Variants in NRXN1 observed in about 807,000 individuals in gnomAD.
The protein encoded by NRXN1 is neurexin 1.
Under a neutral mutation model 150.9 loss-of-function variants are expected in NRXN1, and 39 were observed. That is an observed-to-expected ratio of 0.26 (90% CI 0.20 to 0.34). NRXN1 has a LOEUF of 0.34. Among genes scored for constraint, NRXN1 ranks in the 10% least tolerant of loss-of-function variants. The probability of loss-of-function intolerance (pLI) is 1.00; values close to 1 mark genes in which losing one functional copy is unlikely to be tolerated. For synonymous variants in NRXN1, 924 were observed against 757.0 expected (o/e 1.22, Z -3.62); for missense variants, 1,815 against 1,949.9 (o/e 0.93, Z 1.30).
chr2:50,773,841 G>GA (rs1217861042), intron 5 of NRXN1, among the ~76,000 whole-genome samples: 1 of 152,070 alleles, frequency 6.6e-6, no homozygotes, highest in Non-Finnish European at 1.5e-5. Context: ...CACACAGCTG[G>GA]AATCACACTT....
rs70948715 is a variant in NRXN1, at chr2:50,504,140, T to TAAA, written c.2497+2352_2497+2354dup. 3.2e-4 allele frequency among the ~76,000 whole-genome samples: 36 copies of TAAA among 112,406 alleles called. 2 individuals are homozygous for TAAA. Among genetic ancestry groups the TAAA allele is most frequent in the East Asian group, 1.1e-3 (4 of 3,588 alleles). The allele number at this position is 112,406 out of a possible 152,430, so 73.7% of individuals were successfully genotyped here. Reference sequence around the variant, plus strand: ...AAGGAGGCTAAAGAAACATGACAACTAAAAAAAAAAAAAAAAAAAAATAGC... The same window carrying TAAA: ...AAGGAGGCTAAAGAAACATGACAACTAAAAAAAAAAAAAAAAAAAAAAAATAGC... On this transcript the variant is annotated intron_variant, in intron 13 of 22. Transcript: ENST00000401669.
At chr2:50,666,743 T>C (rs988652811) in intron 5 of NRXN1, among the ~76,000 whole-genome samples, 2 of 151,942 alleles carry the variant, frequency 1.3e-5, no homozygotes, top group Non-Finnish European at 1.5e-5. Flanking sequence ...TAAATACCAA[T>C]TGTAATTGTT....
Position 50,346,548 on chromosome 2 carries a change from G to C in NRXN1, c.3365-109578C>G. On this transcript the variant is annotated intron_variant, in intron 17 of 22. Transcript: ENST00000401669. The surrounding 1 kb of genome is among the most constrained non-coding windows in gnomAD (Gnocchi z 5.0). ...CTTTCTATTGTCTTCAAAGAGATAA[G>C]TGGCTCGCACCAAGCACACCCAAAT... is the stretch of plus-strand genomic sequence containing the variant. 1 of 844,226 alleles carries C rather than the reference G, an allele frequency of 1.2e-6. No individual in the cohort carries two copies. Among genetic ancestry groups the C allele is most frequent in the Non-Finnish European group, 1.9e-6 (1 of 519,762 alleles). 52.3% of individuals were successfully genotyped at this position (844,226 alleles called of 1,614,324 possible). A position where few individuals can be genotyped will look rare whatever the true frequency, so the allele number is the denominator to read the frequency against.
intron 5 of NRXN1, among the ~76,000 whole-genome samples, chr2:50,907,572 A>C (rs2104034089): frequency 6.6e-6 from 1 of 152,142 alleles, no homozygotes; most frequent in African/African-American, 2.4e-5. Context: ...TAGGGTAAGA[A>C]CCCTGGACCC....
chr2:50,585,714 A>G (rs1672992933), intron 8 of NRXN1, among the ~76,000 whole-genome samples: 1 of 152,216 alleles, frequency 6.6e-6, no homozygotes, highest in Non-Finnish European at 1.5e-5. Context: ...TGATTCCAGT[A>G]AACAATTTTC....
chr2:50,760,882 T>C (rs1416424304), intron 5 of NRXN1, among the ~76,000 whole-genome samples: 18 of 151,902 alleles, frequency 1.2e-4, no homozygotes, highest in Non-Finnish European at 1.5e-5. Flanking sequence ...CACCACAATC[T>C]ATTCACATTG....
At chr2:50,117,396 G>C (rs1475400119) in intron 18 of NRXN1, among the ~76,000 whole-genome samples, 2 of 152,170 alleles carry the variant, frequency 1.3e-5, no homozygotes, top group Non-Finnish European at 2.9e-5. Context: ...AGACCTGAGA[G>C]GGATTTTCCA....
intron 22 of NRXN1, among the ~76,000 whole-genome samples, chr2:49,943,048 G>C (rs1005590028): frequency 6.9e-6 from 1 of 145,492 alleles, no homozygotes; most frequent in Non-Finnish European, 1.5e-5. Flanking sequence ...ATTTTTCAGG[G>C]GTCTACAGCC....
chr2:50,530,349 CTA>C (rs1255682150), intron 11 of NRXN1, among the ~76,000 whole-genome samples: 1 of 152,130 alleles, frequency 6.6e-6, no homozygotes, highest in African/African-American at 2.4e-5. Flanking sequence ...AAACGATGTG[CTA>C]ATTATAATTA....
chr2:50,327,672 CAG>C (rs1286172220), intron 17 of NRXN1, among the ~76,000 whole-genome samples: 2 of 148,404 alleles, frequency 1.3e-5, no homozygotes, highest in African/African-American at 2.5e-5. Flanking sequence ...TTTGTTTTGA[CAG>C]AGTCTCGCTC....
chr2:49,954,587 G>A (rs550996613), intron 21 of NRXN1, among the ~76,000 whole-genome samples: 1 of 152,298 alleles, frequency 6.6e-6, no homozygotes, highest in African/African-American at 2.4e-5. Context: ...GAAAAAGGGA[G>A]AGGGAGAGAG....
At chr2:50,034,386 A>G (rs1219866225) in intron 21 of NRXN1, among the ~76,000 whole-genome samples, 1 of 152,066 alleles carries the variant, frequency 6.6e-6, no homozygotes, top group Admixed American at 6.6e-5. Flanking sequence ...GCAAACCAAC[A>G]CAGGAACAGA....
At chr2:50,023,943 G>C (rs1378509470) in intron 21 of NRXN1, 1 of 151,882 alleles carries the variant, frequency 6.6e-6, no homozygotes. Context: ...CTTTATATTT[G>C]TTATTTTGTA....
At chr2:50,411,985 C>A (rs1488305610) in intron 17 of NRXN1, among the ~76,000 whole-genome samples, 1 of 152,156 alleles carries the variant, frequency 6.6e-6, no homozygotes, top group Non-Finnish European at 1.5e-5. Flanking sequence ...ATTCTTCTGC[C>A]TTGGGATGCT....
At chr2:50,942,960 C>G (rs76318873) in intron 2 of NRXN1, among the ~76,000 whole-genome samples, 2 of 152,252 alleles carry the variant, frequency 1.3e-5, no homozygotes, top group Non-Finnish European at 2.9e-5. Context: ...AAATTGTAAT[C>G]CCCATGTGTT....
chr2:50,408,441 T>C (rs1327926495), intron 17 of NRXN1, among the ~76,000 whole-genome samples: 1 of 152,236 alleles, frequency 6.6e-6, no homozygotes, highest in Non-Finnish European at 1.5e-5. Flanking sequence ...CAAGGCTGCA[T>C]GATGTAGCTG....
intron 2 of NRXN1, among the ~76,000 whole-genome samples, chr2:51,004,587 G>T (rs1234138952): frequency 6.6e-6 from 1 of 151,950 alleles, no homozygotes; most frequent in East Asian, 1.9e-4. Context: ...AGGATGCAGT[G>T]AGCCGAGATC....
At chr2:50,332,383 C>T (rs1425671168) in intron 17 of NRXN1, among the ~76,000 whole-genome samples, 1 of 152,098 alleles carries the variant, frequency 6.6e-6, no homozygotes, top group South Asian at 2.1e-4. Context: ...GAAATTTAAT[C>T]CAGGAAAATT....
chr2:50,241,252 C>T (rs911371148), intron 17 of NRXN1, among the ~76,000 whole-genome samples: 23 of 151,404 alleles, frequency 1.5e-4, no homozygotes, highest in African/African-American at 5.6e-4. Flanking sequence ...TAAATAAAGA[C>T]CAAACTTACC....
Sources: gnomAD v4.1 joint callset for allele counts (sites outside exome capture counted in the v4.1 genomes callset) on GRCh38, gnomAD v4.1.1 for gene constraint, Gnocchi (gnomAD v3.1) non-coding constraint, MANE v1.5 for transcripts, NCBI Gene and HGNC (gene_info 2026-07-23, HGNC 2026-07-21) for gene names.